STX3: variants seen among roughly 807,000 people sequenced by gnomAD.
STX3 encodes syntaxin 3.
STX3 carries 19 observed loss-of-function variants against 40.2 expected under a neutral mutation model. The observed-to-expected ratio is 0.47, with a 90% CI of 0.33 to 0.69. STX3 has a LOEUF of 0.69. STX3 is among the 30% of genes least tolerant of loss of function. STX3 has a pLI of 0.02. For synonymous variants in STX3, 122 were observed against 132.2 expected, an observed-to-expected ratio of 0.92 and a Z score of 0.53; for missense variants, 364 against 366.7, an observed-to-expected ratio of 0.99 and a Z score of 0.06.
At position 59,755,423 on chromosome 11, in the gene STX3, G is replaced by A; in HGVS notation, c.-183G>A. The A allele has an allele frequency of 1.9e-6, 1 of 525,470 alleles. No homozygotes were observed. 32.6% of individuals were successfully genotyped at this position (525,470 alleles called of 1,614,324 possible). A position where few individuals can be genotyped will look rare whatever the true frequency, so the allele number is the denominator to read the frequency against. ...GTGGGGGCGGAGGGGGCTGCGCGGC[G>A]GAGGCTCCCGTGGCCTCGGACGCTC... On this transcript the variant is annotated 5_prime_UTR_variant, in exon 1 of 11. Coordinates refer to ENST00000337979, the MANE Select transcript of STX3 (RefSeq NM_004177.5).
At position 59,801,168 on chromosome 11, in the gene STX3, T is replaced by G; in HGVS notation, c.*344T>G. On this transcript the variant is annotated 3_prime_UTR_variant, in exon 11 of 11. Transcript: ENST00000337979. ...GCACTTGGGAAAGCTCTTGTGAGAC[T>G]CTCCCAAGGTGCTGTATTTTTCTAC... is the stretch of plus-strand genomic sequence containing the variant. The G allele has an allele frequency of 8.0e-7, 1 of 1,245,932 alleles. No individual in the cohort carries two copies. Among genetic ancestry groups the G allele is most frequent in the Non-Finnish European group, 1.0e-6 (1 of 989,616 alleles). 77.2% of individuals were successfully genotyped at this position (1,245,932 alleles called of 1,614,324 possible).
Position 59,781,374 on chromosome 11 carries a change from A to G in STX3, c.115-5663A>G, listed in dbSNP as rs570488728. On this transcript the variant is annotated intron_variant, in intron 2 of 10. Transcript: ENST00000337979. ...ATTGTTCATGACACACTCCACCACT[A>G]ATTTCCCATCTTTCAATTTTCTTGT... 4.8e-4 allele frequency: 759 copies of G among 1,597,788 alleles called. 1 individual carries two copies. In the African/African-American group the frequency reaches 8.1e-3, roughly 17 times the overall value.
chr11:59,799,759 C>T, intron 10 of STX3: 1 of 985,402 alleles, frequency 1.0e-6, no homozygotes, highest in Non-Finnish European at 1.2e-6. Context: ...TCAACTTCAT[C>T]TTGAAAGATA....
rs185953387 is a variant in STX3 at position 59,758,462 on chromosome 11, A to G, written c.30+2827A>G. ...TGGCTCATCACCCTTTTCCCATAGG[A>G]TCATTGTGAGGATAAAATGAGATAA... On this transcript the variant is annotated intron_variant, in intron 1 of 10. Coordinates refer to ENST00000337979, the MANE Select transcript of STX3 (RefSeq NM_004177.5). Among the ~76,000 whole-genome samples the G allele has an allele frequency of 4.6e-5, 7 of 152,274 alleles. No individual in the cohort carries two copies. The East Asian group carries it at 1.3e-3, about 29-fold the overall frequency.
intron 2 of STX3, among the ~76,000 whole-genome samples, chr11:59,775,409 G>A (rs1388445136): frequency 2.0e-5 from 3 of 152,120 alleles, no homozygotes; most frequent in East Asian, 3.8e-4. Flanking sequence ...AGTCTGCCTT[G>A]GAGAACCAGA....
intron 1 of STX3, among the ~76,000 whole-genome samples, chr11:59,761,293 G>A (rs1863020399): frequency 6.6e-6 from 1 of 152,156 alleles, no homozygotes; most frequent in African/African-American, 2.4e-5. Context: ...TATCTCCAAA[G>A]TCTCAGTTCC....
At chr11:59,786,904 C>T (rs1055133160) in intron 2 of STX3, 133 bp from the exon 3 acceptor site, 4 of 705,628 alleles carry the variant, frequency 5.7e-6, no homozygotes, top group African/African-American at 3.6e-5. Flanking sequence ...CAGCTGAGGA[C>T]TTTAAGTCAT....
intron 1 of STX3, 151 bp downstream of exon 1, chr11:59,755,786 C>T: frequency 5.2e-6 from 5 of 969,500 alleles, no homozygotes; most frequent in Non-Finnish European, 7.1e-6. Flanking sequence ...GTTCCGCACC[C>T]TCCCCTCCCC....
At chr11:59,782,209 A>G (rs1190718712) in intron 2 of STX3, among the ~76,000 whole-genome samples, 3 of 152,230 alleles carry the variant, frequency 2.0e-5, no homozygotes, top group African/African-American at 7.2e-5. Flanking sequence ...TTAGTATAAT[A>G]TAGTAATTAT....
Position 59,788,926 on chromosome 11 carries a change from A to G in STX3, c.268A>G (p.Asn90Asp). 1 of 1,610,924 alleles carries G rather than the reference A, an allele frequency of 6.2e-7. No individual in the cohort carries two copies. The highest frequency in any genetic ancestry group is 8.5e-7 in the Non-Finnish European group (1 of 1,178,490). Residue 90 changes from asparagine to aspartate, a missense_variant, in exon 4 of 11, where the codon AAC (asparagine) becomes GAC (aspartate). Asn to Asp is a conservative substitution (Grantham distance 23). Transcript: ENST00000337979. ...LTTEIKKRAN[N>D]VRNKLKSMEK... ...GACTGAGATTAAGAAAAGGGCCAACAACGTCCGGAACAAACTGAAGAGTAA... is the reference window on the plus strand; with the variant it reads ...GACTGAGATTAAGAAAAGGGCCAACGACGTCCGGAACAAACTGAAGAGTAA...
At chr11:59,767,342 T>C (rs1258265874) in intron 1 of STX3, among the ~76,000 whole-genome samples, 2 of 152,228 alleles carry the variant, frequency 1.3e-5, no homozygotes, top group African/African-American at 4.8e-5. Flanking sequence ...TGTTTTTTAT[T>C]GTGGCTGATA....
At chr11:59,796,381 G>A (rs1009727023) in intron 9 of STX3, among the ~76,000 whole-genome samples, 6 of 152,196 alleles carry the variant, frequency 3.9e-5, no homozygotes, top group Non-Finnish European at 5.9e-5. Flanking sequence ...CTCTGGTGGC[G>A]TCTGCTTTTT....
At chr11:59,781,100 T>TTTTTTTTTTTTTTTTTTTATA (rs963410109) in intron 2 of STX3, among the ~76,000 whole-genome samples, 1 of 146,308 alleles carries the variant, frequency 6.8e-6, no homozygotes, top group Admixed American at 6.8e-5. Flanking sequence ...TTTTTTTTTT[T>TTTTTTTTTTTTTTTTTTTATA]TATATTAGCA....
intron 6 of STX3, among the ~76,000 whole-genome samples, chr11:59,792,765 G>T (rs1256774919): frequency 6.6e-6 from 1 of 152,136 alleles, no homozygotes; most frequent in Non-Finnish European, 1.5e-5. Context: ...GGTGTGTCTG[G>T]AGTAGCATAA....
intron 2 of STX3, among the ~76,000 whole-genome samples, chr11:59,773,986 A>ACC (rs1863809616): frequency 6.6e-6 from 1 of 151,102 alleles, no homozygotes; most frequent in African/African-American, 2.4e-5. Flanking sequence ...ACAAAAAAAA[A>ACC]AAAAAAAAAA....
intron 2 of STX3, among the ~76,000 whole-genome samples, chr11:59,774,886 G>A (rs187419830): frequency 6.6e-6 from 1 of 152,256 alleles, no homozygotes; most frequent in East Asian, 1.9e-4. Context: ...ACACAGCATA[G>A]CATCTGGCAT....
chr11:59,755,778 T>G, intron 1 of STX3, 143 bp downstream of exon 1: 3 of 1,137,190 alleles, frequency 2.6e-6, no homozygotes, highest in South Asian at 1.7e-5. Flanking sequence ...CCGCGCCGGT[T>G]CCGCACCCTC....
chr11:59,783,331 G>A (rs1011903960), intron 2 of STX3, among the ~76,000 whole-genome samples: 1 of 152,154 alleles, frequency 6.6e-6, no homozygotes, highest in African/African-American at 2.4e-5. Context: ...CAGGAGACAG[G>A]ATTTAGTATT....
chr11:59,764,862 A>G (rs577880355), intron 1 of STX3, among the ~76,000 whole-genome samples: 3 of 150,766 alleles, frequency 2.0e-5, no homozygotes, highest in East Asian at 2.0e-4. Context: ...AAGTGCCTGC[A>G]ACAACACACA....
Sources: allele counts gnomAD v4.1 joint callset (sites outside exome capture counted in the v4.1 genomes callset), GRCh38; gene constraint gnomAD v4.1.1; transcripts MANE v1.5; gene names NCBI Gene and HGNC (gene_info 2026-07-23, HGNC 2026-07-21).